Variants in TUSC3 observed in about 807,000 individuals in gnomAD.
TUSC3 encodes the protein dolichyl-diphosphooligosaccharide--protein glycosyltransferase subunit TUSC3.
A neutral mutation model predicts 44.8 loss-of-function variants in TUSC3; 45 were observed. The observed-to-expected ratio is 1.00, with a 90% CI of 0.79 to 1.29. The LOEUF (loss-of-function observed/expected upper bound fraction) is 1.29. Among genes scored for constraint, TUSC3 ranks in the 50% most tolerant of loss-of-function variants. The pLI is 0.00. For missense variants in TUSC3, 519 were observed against 437.9 expected (o/e 1.19, Z -1.65); for synonymous variants, 212 against 152.9 (o/e 1.39, Z -2.85).
intron 1 of TUSC3, among the ~76,000 whole-genome samples, chr8:15,453,958 A>G (rs904490595): frequency 2.6e-5 from 4 of 152,186 alleles, no homozygotes; most frequent in African/African-American, 9.7e-5. Context: ...TCAAGCATGT[A>G]CACTAAGAGG....
chr8:15,649,851 T>G (rs973654228), intron 2 of TUSC3, among the ~76,000 whole-genome samples: 1 of 152,192 alleles, frequency 6.6e-6, no homozygotes, highest in Non-Finnish European at 1.5e-5. Flanking sequence ...TATTTTCATT[T>G]TGGGGAGAGG....
At chr8:15,437,337 C>G (rs372349250) in intron 1 of TUSC3, among the ~76,000 whole-genome samples, 1 of 152,160 alleles carries the variant, frequency 6.6e-6, no homozygotes, top group African/African-American at 2.4e-5. Context: ...CTACATATCT[C>G]TGTTTACTAC....
intron 1 of TUSC3, among the ~76,000 whole-genome samples, chr8:15,446,703 A>G (rs1469228990): frequency 1.7e-5 from 2 of 114,870 alleles, no homozygotes; most frequent in East Asian, 2.9e-4. Flanking sequence ...GCTCGGCATC[A>G]GAGGGAGACC....
At chr8:15,448,857 A>G (rs1282262880) in intron 1 of TUSC3, among the ~76,000 whole-genome samples, 1 of 152,186 alleles carries the variant, frequency 6.6e-6, no homozygotes, top group African/African-American at 2.4e-5. Context: ...GTGATCTCAT[A>G]AGATCATAGT....
chr8:15,548,563 GA>G (rs2129135537), intron 1 of TUSC3, among the ~76,000 whole-genome samples: 1 of 151,884 alleles, frequency 6.6e-6, no homozygotes, highest in African/African-American at 2.4e-5. Flanking sequence ...AAACAGCATA[GA>G]AAAATGGGAA....
rs34777211 is a variant in TUSC3 at position 15,567,726 on chromosome 8, T to C, written c.138+27158T>C. 1.9e-3 allele frequency among the ~76,000 whole-genome samples: 297 copies of C among 152,308 alleles called. 2 individuals carry two copies. The highest frequency in any genetic ancestry group is 3.3e-3 in the Non-Finnish European group (226 of 68,030). On this transcript the variant is annotated intron_variant, in intron 1 of 10. Transcript: ENST00000503731. ...GGATGGATGTCTACATAGGGACAAC[T>C]TTTGTAAGTGGTTGGAATGTAACAA... is the stretch of plus-strand genomic sequence containing the variant.
intron 1 of TUSC3, among the ~76,000 whole-genome samples, chr8:15,611,752 G>A (rs922649840): frequency 2.0e-5 from 3 of 152,076 alleles, no homozygotes; most frequent in Non-Finnish European, 2.9e-5. Flanking sequence ...TAATGTAGAT[G>A]AGGTGGTATA....
At chr8:15,553,963 C>T (rs1472460299) in intron 1 of TUSC3, among the ~76,000 whole-genome samples, 1 of 151,578 alleles carries the variant, frequency 6.6e-6, no homozygotes, top group Non-Finnish European at 1.5e-5. Context: ...CTGCCATAAC[C>T]ATCAGATGGG....
the TUSC3 span, among the ~76,000 whole-genome samples, chr8:15,828,951 T>A: frequency 6.6e-6 from 1 of 152,298 alleles, no homozygotes; most frequent in Non-Finnish European, 1.5e-5. Flanking sequence ...TAAATGGCAC[T>A]TTCCTCTGTT....
chr8:15,641,365 A>T (rs1237944910), intron 2 of TUSC3, among the ~76,000 whole-genome samples: 2 of 151,274 alleles, frequency 1.3e-5, no homozygotes, highest in Non-Finnish European at 3.0e-5. Context: ...CCGTCTCAAA[A>T]AAAAAAAAAA....
chr8:15,566,608 TG>T (rs376408038), intron 1 of TUSC3, among the ~76,000 whole-genome samples: 30,854 of 149,724 alleles, frequency 0.21, 3,194 homozygotes, highest in Middle Eastern at 0.27. Context: ...CACATTTTTT[TG>T]TTGTTGTTGT....
At chr8:15,698,135 T>A (rs1394978058) in intron 6 of TUSC3, among the ~76,000 whole-genome samples, 3 of 152,194 alleles carry the variant, frequency 2.0e-5, no homozygotes, top group Non-Finnish European at 4.4e-5. Context: ...CTATTGAAGT[T>A]TATAATATTC....
Position 15,730,747 on chromosome 8 carries a change from C to T in TUSC3, c.862+18C>T, listed in dbSNP as rs368411286. 168 of 1,611,004 alleles carry T rather than the reference C, an allele frequency of 1.0e-4. No homozygotes were observed. In the African/African-American group the frequency reaches 1.6e-3, roughly 16 times the overall value. On this transcript the variant is annotated intron_variant, in intron 7 of 10. Coordinates refer to ENST00000503731, the MANE Select transcript of TUSC3 (RefSeq NM_006765.4). Reference sequence around the variant, plus strand: ...GGTACTGAGTATCCTTTTAAGATACCGACGAATTGAAAAGGGCAAACTAAA... The same window carrying T: ...GGTACTGAGTATCCTTTTAAGATACTGACGAATTGAAAAGGGCAAACTAAA...
In TUSC3 at chr8:15,483,649, A is replaced by ATTTTTTTTTT. The variant is rs60092911; in HGVS notation, n.189+181_189+190dup. On this transcript the variant is annotated intron_variant and non_coding_transcript_variant, in intron 2 of 5. Transcript: ENST00000503191. The stretch of plus-strand genomic sequence containing the variant: ...CCGTCGTGCCCAGCCTAGCACTGTG[A>ATTTTTTTTTT]TTTTTTTTTTTTTTTTTTTTTTTTG... Among the ~76,000 whole-genome samples, 151 of 66,146 alleles carry ATTTTTTTTTT rather than the reference A, an allele frequency of 2.3e-3. 9 individuals carry two copies. Among genetic ancestry groups the ATTTTTTTTTT allele is most frequent in the Middle Eastern group, 0.014 (1 of 70 alleles). The allele number at this position is 66,146 out of a possible 152,430, so 43.4% of individuals were successfully genotyped here.
At chr8:15,662,517 G>A (rs1807469427) in intron 5 of TUSC3, among the ~76,000 whole-genome samples, 1 of 151,748 alleles carries the variant, frequency 6.6e-6, no homozygotes, top group Non-Finnish European at 1.5e-5. Flanking sequence ...TCTGTACTTG[G>A]CACAAGTGCT....
intron 5 of TUSC3, among the ~76,000 whole-genome samples, chr8:15,669,570 C>T (rs1807849889): frequency 6.6e-6 from 1 of 151,466 alleles, no homozygotes; most frequent in African/African-American, 2.4e-5. Flanking sequence ...AATGGTTTAC[C>T]ATGTGAAAAT....
chr8:15,523,662 A>ATGTG (rs1452859204), intron 2 of TUSC3, among the ~76,000 whole-genome samples: 4 of 21,894 alleles, frequency 1.8e-4, no homozygotes, highest in African/African-American at 7.5e-4. Context: ...ATATATATAT[A>ATGTG]TATGTGTGTG....
At chr8:15,420,397 C>A (rs1183756576) in intron 1 of TUSC3, among the ~76,000 whole-genome samples, 1 of 151,814 alleles carries the variant, frequency 6.6e-6, no homozygotes, top group Non-Finnish European at 1.5e-5. Context: ...TACTTGGAGG[C>A]TGAGGCAGGA....
chr8:15,615,016 G>A (rs1804931492), intron 1 of TUSC3, among the ~76,000 whole-genome samples: 1 of 150,496 alleles, frequency 6.6e-6, no homozygotes, highest in African/African-American at 2.4e-5. Flanking sequence ...TCGTGGGAAT[G>A]TGAATTAGTA....
Sources: allele counts gnomAD v4.1 joint callset (sites outside exome capture counted in the v4.1 genomes callset), GRCh38; gene constraint gnomAD v4.1.1; transcripts MANE v1.5; gene names NCBI Gene and HGNC (gene_info 2026-07-23, HGNC 2026-07-21).